CEP128: variants seen among roughly 807,000 people sequenced by gnomAD.
The protein encoded by CEP128 is centrosomal protein 128, also known as centrosomal protein 128kDa.
A neutral mutation model predicts 156.7 loss-of-function variants in CEP128; 132 were observed. The observed-to-expected ratio is 0.84, with a 90% CI of 0.73 to 0.97. The LOEUF is 0.97. Among genes scored for constraint, CEP128 ranks in the 50% least tolerant of loss-of-function variants. The probability of loss-of-function intolerance (pLI) is 0.00; values close to 1 mark genes in which losing one functional copy is unlikely to be tolerated. For synonymous variants in CEP128, 469 were observed against 448.9 expected, an observed-to-expected ratio of 1.04 and a Z score of -0.57; for missense variants, 1,252 against 1,281.9, an observed-to-expected ratio of 0.98 and a Z score of 0.36.
rs1888985063 is a variant in CEP128 at position 80,526,633 on chromosome 14, C to T, written c.3072+236G>A. The T allele has an allele frequency of 3.5e-5, 11 of 317,630 alleles. No homozygotes were observed. In the South Asian group the frequency reaches 7.2e-4, roughly 21 times the overall value. 19.7% of individuals were successfully genotyped at this position (317,630 alleles called of 1,614,324 possible). A position where few individuals can be genotyped will look rare whatever the true frequency, so the allele number is the denominator to read the frequency against. On this transcript the variant is annotated intron_variant, in intron 23 of 24. Coordinates refer to ENST00000555265, the MANE Select transcript of CEP128 (RefSeq NM_152446.5). ...AGCACCAGTTCCCGTAAACAAGTAA[C>T]ATATCAAGCAGTGATGGCACAGACT...
At chr14:80,746,552 T>G (rs1899110665) in intron 18 of CEP128, among the ~76,000 whole-genome samples, 1 of 152,148 alleles carries the variant, frequency 6.6e-6, no homozygotes. Flanking sequence ...AAGAATTCAT[T>G]TATACCCCTA....
chr14:80,650,292 C>T (rs1318279262), intron 19 of CEP128, among the ~76,000 whole-genome samples: 4 of 152,126 alleles, frequency 2.6e-5, no homozygotes, highest in Admixed American at 2.6e-4. Flanking sequence ...GCTGAAGTTG[C>T]TTATCAGCTT....
intron 24 of CEP128, among the ~76,000 whole-genome samples, chr14:80,498,078 A>G (rs575753145): frequency 6.6e-6 from 1 of 152,168 alleles, no homozygotes; most frequent in Admixed American, 6.5e-5. Flanking sequence ...TTCTCTCCTT[A>G]TCTCTACTCT....
intron 23 of CEP128, among the ~76,000 whole-genome samples, chr14:80,514,261 G>A (rs1888389032): frequency 6.6e-6 from 1 of 152,182 alleles, no homozygotes; most frequent in Non-Finnish European, 1.5e-5. Context: ...ACCACCTTGG[G>A]CACATGTTCT....
At position 80,952,052 on chromosome 14, in the gene CEP128, C is replaced by T. The variant is rs184556317; in HGVS notation, c.-172+6126G>A. 5.3e-3 allele frequency among the ~76,000 whole-genome samples: 803 copies of T among 152,054 alleles called. 16 individuals carry two copies. Among genetic ancestry groups the T allele is most frequent in the African/African-American group, 0.018 (742 of 41,518 alleles). On this transcript the variant is annotated intron_variant, in intron 2 of 7. Transcript: ENST00000555529. The stretch of plus-strand genomic sequence containing the variant: ...ATGAGGGGGAAAAAAAACAAATCCC[C>T]AATTGTAGTAAAAAATTTCAGTACC...
At chr14:80,767,606 C>A (rs1900302743) in intron 16 of CEP128, among the ~76,000 whole-genome samples, 1 of 152,046 alleles carries the variant, frequency 6.6e-6, no homozygotes, top group African/African-American at 2.4e-5. Context: ...TTATAAAAGT[C>A]CAATAACACA....
At chr14:80,584,711 A>C (rs985977042) in intron 19 of CEP128, among the ~76,000 whole-genome samples, 7 of 152,222 alleles carry the variant, frequency 4.6e-5, no homozygotes, top group Admixed American at 3.9e-4. Flanking sequence ...AGACCCCTAG[A>C]TAGTTAAAGT....
At chr14:80,854,035 A>G (rs1333332222) in intron 9 of CEP128, among the ~76,000 whole-genome samples, 2 of 152,166 alleles carry the variant, frequency 1.3e-5, no homozygotes, top group African/African-American at 2.4e-5. Context: ...TAAATGAGCA[A>G]AAGTCATACA....
chr14:80,535,288 G>T (rs959878256), intron 21 of CEP128, among the ~76,000 whole-genome samples: 12 of 152,164 alleles, frequency 7.9e-5, no homozygotes, highest in Non-Finnish European at 1.8e-4. Context: ...GGCAAAGCTG[G>T]GATGCAAATC....
intron 19 of CEP128, among the ~76,000 whole-genome samples, chr14:80,707,785 C>T (rs949076174): frequency 2.0e-5 from 3 of 152,102 alleles, no homozygotes; most frequent in African/African-American, 4.8e-5. Context: ...TAAAATACCA[C>T]CAATACCACA....
rs1157060496 is a variant in CEP128, at chr14:80,524,735, T to C, written c.3072+2134A>G. ...CAGAACAGGAATCTGTGACATATGG[T>C]GATAGTCAATAAATGCATTGCTAAA... On this transcript the variant is annotated intron_variant, in intron 23 of 24. Transcript: ENST00000555265. Among the ~76,000 whole-genome samples, 6 of 152,190 alleles carry C rather than the reference T, an allele frequency of 3.9e-5. No homozygotes were observed. In the East Asian group the frequency reaches 1.2e-3, roughly 29 times the overall value.
chr14:80,553,699 G>T (rs1293575183), intron 21 of CEP128, among the ~76,000 whole-genome samples: 1 of 151,934 alleles, frequency 6.6e-6, no homozygotes, highest in South Asian at 2.1e-4. Context: ...TGTTACTTTT[G>T]CATGGGTATA....
intron 23 of CEP128, among the ~76,000 whole-genome samples, chr14:80,524,990 C>T (rs1888914085): frequency 6.6e-6 from 1 of 152,172 alleles, no homozygotes; most frequent in Non-Finnish European, 1.5e-5. Flanking sequence ...ACACGTTAAA[C>T]ATTCATAGCT....
chr14:80,534,885 A>G (rs1263284520), intron 21 of CEP128, among the ~76,000 whole-genome samples: 1 of 151,940 alleles, frequency 6.6e-6, no homozygotes, highest in Non-Finnish European at 1.5e-5. Context: ...CCAGCATATG[A>G]CACGTGCTTA....
chr14:80,881,055 G>T (rs903368434), intron 8 of CEP128, among the ~76,000 whole-genome samples: 1 of 146,552 alleles, frequency 6.8e-6, no homozygotes, highest in African/African-American at 2.5e-5. Flanking sequence ...AACCCAAAAT[G>T]AGTAGAAAAA....
chr14:80,824,718 C>A (rs982280117), intron 13 of CEP128, among the ~76,000 whole-genome samples: 2 of 152,180 alleles, frequency 1.3e-5, no homozygotes, highest in African/African-American at 4.8e-5. Flanking sequence ...GCATTTTGGG[C>A]AAAGCCATTC....
rs113926336 is a variant in CEP128, at chr14:80,660,409, G to A, written c.2807-79986C>T. Among the ~76,000 whole-genome samples, 239 of 152,204 alleles carry A rather than the reference G, an allele frequency of 1.6e-3. 2 individuals carry two copies. The highest frequency in any genetic ancestry group is 5.6e-3 in the African/African-American group (231 of 41,544). ...AGGTGATATCAATCTTGAGAAAGCC[G>A]TGCCATTTTCTACATGAGACACTTG... On this transcript the variant is annotated intron_variant, in intron 19 of 24. Coordinates refer to ENST00000555265, the MANE Select transcript of CEP128 (RefSeq NM_152446.5).
intron 18 of CEP128, among the ~76,000 whole-genome samples, chr14:80,744,738 C>T (rs868576075): frequency 1.8e-4 from 28 of 152,256 alleles, no homozygotes; most frequent in Middle Eastern, 6.8e-3. Context: ...GGGCAGATCA[C>T]CAGGATTTTT....
chr14:80,619,949 A>AC (rs974305711), intron 19 of CEP128, among the ~76,000 whole-genome samples: 1 of 151,158 alleles, frequency 6.6e-6, no homozygotes, highest in Non-Finnish European at 1.5e-5. Context: ...ACGTGGTGAA[A>AC]CCCCATCTCT....
Sources: gnomAD v4.1 joint callset for allele counts (sites outside exome capture counted in the v4.1 genomes callset) on GRCh38, gnomAD v4.1.1 for gene constraint, MANE v1.5 for transcripts, NCBI Gene and HGNC (gene_info 2026-07-23, HGNC 2026-07-21) for gene names.